The following CNTN5 variants were observed in gnomAD, a reference collection of about 807,000 sequenced individuals.
CNTN5 encodes the protein contactin 5, also known as contactin-5.
Under a neutral mutation model 129.1 loss-of-function variants are expected in CNTN5, and 77 were observed. The observed-to-expected ratio is 0.60, with a 90% confidence interval of 0.50 to 0.72. The LOEUF is 0.72. CNTN5 is among the 30% of genes least tolerant of loss of function. The pLI, the probability that CNTN5 is intolerant of heterozygous loss-of-function variation, is 0.00. For missense variants in CNTN5, 1,478 were observed against 1,328.8 expected (o/e 1.11, Z -1.75); for synonymous variants, 509 against 465.6 (o/e 1.09, Z -1.20).
In CNTN5 at chr11:99,278,233, A is replaced by G. The variant is rs370670630; in HGVS notation, c.-209-47113A>G. Among the ~76,000 whole-genome samples the G allele has an allele frequency of 2.0e-3, 298 of 151,732 alleles. 3 individuals carry two copies. Among genetic ancestry groups the G allele is most frequent in the African/African-American group, 7.0e-3 (290 of 41,480 alleles). The stretch of plus-strand genomic sequence containing the variant: ...ATATAATATTTATTATGTGCTTACT[A>G]TGTGCTAACAGTGGGCTAGGCTTTC... On this transcript the variant is annotated intron_variant, in intron 1 of 24. Transcript: ENST00000524871.
chr11:99,201,437 T>G (rs959735740), intron 1 of CNTN5, among the ~76,000 whole-genome samples: 1 of 151,848 alleles, frequency 6.6e-6, no homozygotes, highest in Non-Finnish European at 1.5e-5. Context: ...CTTCCTTCCT[T>G]TCTTCCTTTC....
At chr11:100,307,670 A>G (rs1951383528) in intron 20 of CNTN5, among the ~76,000 whole-genome samples, 1 of 151,710 alleles carries the variant, frequency 6.6e-6, no homozygotes, top group Non-Finnish European at 1.5e-5. Context: ...GATTCATAAC[A>G]TATTCCTTAT....
chr11:99,596,157 A>C (rs746996824), intron 3 of CNTN5, among the ~76,000 whole-genome samples: 1 of 152,130 alleles, frequency 6.6e-6, no homozygotes, highest in African/African-American at 2.4e-5. Flanking sequence ...CAAGAAGACC[A>C]TTACTAAATT....
intron 7 of CNTN5, among the ~76,000 whole-genome samples, chr11:99,942,504 A>C (rs1026294190): frequency 3.3e-5 from 5 of 152,002 alleles, no homozygotes; most frequent in African/African-American, 1.2e-4. Context: ...AAGAAGGGTG[A>C]ATTGTAAATT....
intron 15 of CNTN5, among the ~76,000 whole-genome samples, chr11:100,205,614 C>T (rs1948896346): frequency 6.6e-6 from 1 of 152,020 alleles, no homozygotes; most frequent in African/African-American, 2.4e-5. Flanking sequence ...CCTTCTGTCT[C>T]ACGGGTTCTG....
At chr11:100,258,619 G>T (rs1950128446) in intron 17 of CNTN5, among the ~76,000 whole-genome samples, 1 of 146,630 alleles carries the variant, frequency 6.8e-6, no homozygotes, top group African/African-American at 2.4e-5. Context: ...CCAGAAGAGA[G>T]TGGGGGCCAA....
intron 9 of CNTN5, among the ~76,000 whole-genome samples, chr11:100,042,840 G>A (rs1256997169): frequency 4.6e-5 from 7 of 152,168 alleles, no homozygotes. Flanking sequence ...TCCTCGGTAT[G>A]ATATTAGCTT....
intron 18 of CNTN5, among the ~76,000 whole-genome samples, chr11:100,275,541 A>G (rs1220957446): frequency 3.3e-5 from 5 of 152,288 alleles, no homozygotes; most frequent in African/African-American, 9.6e-5. Context: ...ATCCTTTTCA[A>G]CTTTTTATGG....
chr11:99,322,962 A>G (rs940918396), intron 1 of CNTN5, among the ~76,000 whole-genome samples: 15 of 152,180 alleles, frequency 9.9e-5, no homozygotes, highest in Admixed American at 5.9e-4. Flanking sequence ...GTGAAATAAT[A>G]AGACAACTTA....
At chr11:99,103,314 A>G (rs1050432846) in intron 1 of CNTN5, among the ~76,000 whole-genome samples, 5 of 152,210 alleles carry the variant, frequency 3.3e-5, no homozygotes, top group African/African-American at 4.8e-5. Flanking sequence ...TGTATAATGT[A>G]TGTATACACT....
chr11:99,369,837 T>C (rs1939718823), intron 2 of CNTN5, among the ~76,000 whole-genome samples: 1 of 152,126 alleles, frequency 6.6e-6, no homozygotes, highest in Non-Finnish European at 1.5e-5. Flanking sequence ...TCAATATTTC[T>C]TTTGGAATTT....
intron 6 of CNTN5, among the ~76,000 whole-genome samples, chr11:99,853,350 G>T (rs942864162): frequency 6.6e-6 from 1 of 151,866 alleles, no homozygotes; most frequent in East Asian, 1.9e-4. Context: ...ATATATATAT[G>T]TAGCAGGTAT....
At chr11:99,247,351 A>G (rs552591324) in intron 1 of CNTN5, among the ~76,000 whole-genome samples, 8 of 152,082 alleles carry the variant, frequency 5.3e-5, no homozygotes, top group African/African-American at 1.9e-4. Flanking sequence ...TAAAGACTCT[A>G]CTCCAAAGTC....
At position 100,087,051 on chromosome 11, in the gene CNTN5, T is replaced by G. The variant is rs11607495; in HGVS notation, c.1580+12757T>G. On this transcript the variant is annotated intron_variant, in intron 13 of 24. Coordinates refer to ENST00000524871, the MANE Select transcript of CNTN5 (RefSeq NM_014361.4). ...AATTACAAACAAATATAAGCACAAT[T>G]AGAAGATTGGTAAAGTCAAATATTG... Among the ~76,000 whole-genome samples, 924 of 151,526 alleles carry G rather than the reference T, an allele frequency of 6.1e-3. 4 individuals are homozygous for G. Among genetic ancestry groups the G allele is most frequent in the Non-Finnish European group, 0.011 (713 of 67,648 alleles).
At chr11:99,426,135 T>G (rs1943108852) in intron 2 of CNTN5, among the ~76,000 whole-genome samples, 1 of 152,230 alleles carries the variant, frequency 6.6e-6, no homozygotes. Flanking sequence ...GCTTCCTGTA[T>G]GATTTTATTA....
chr11:100,155,112 T>C (rs183073484), intron 13 of CNTN5, among the ~76,000 whole-genome samples: 80 of 152,298 alleles, frequency 5.3e-4, no homozygotes, highest in African/African-American at 1.8e-3. Context: ...ATGTCCTGAA[T>C]GGTATTGCTT....
At chr11:99,473,315 T>G (rs767996038) in intron 2 of CNTN5, among the ~76,000 whole-genome samples, 7 of 152,158 alleles carry the variant, frequency 4.6e-5, no homozygotes, top group Non-Finnish European at 1.0e-4. Context: ...TAAACATATA[T>G]CTACTTGTCA....
chr11:99,661,550 T>A (rs1952592449), intron 3 of CNTN5, among the ~76,000 whole-genome samples: 1 of 152,136 alleles, frequency 6.6e-6, no homozygotes, highest in African/African-American at 2.4e-5. Flanking sequence ...TATATGCATA[T>A]ATGTGTGTAC....
At chr11:99,474,207 AT>A (rs5793991) in intron 2 of CNTN5, among the ~76,000 whole-genome samples, 16 of 151,890 alleles carry the variant, frequency 1.1e-4, no homozygotes, top group African/African-American at 3.9e-4. Flanking sequence ...AGTTCTAGGG[AT>A]TTTTTAATAA....
Sources: gnomAD v4.1 joint callset for allele counts (sites outside exome capture counted in the v4.1 genomes callset) on GRCh38, gnomAD v4.1.1 for gene constraint, MANE v1.5 for transcripts, NCBI Gene and HGNC (gene_info 2026-07-23, HGNC 2026-07-21) for gene names.